Variants in CASK observed in about 807,000 individuals in gnomAD.
CASK encodes calcium/calmodulin dependent serine protein kinase, also known as peripheral plasma membrane protein CASK.
In CASK, 4 loss-of-function variants were observed where a neutral mutation model predicts 82.9. The observed-to-expected ratio is 0.05, with a 90% CI of 0.02 to 0.11. The LOEUF is 0.11. Among genes scored for constraint, CASK ranks in the 10% least tolerant of loss-of-function variants. The pLI, the probability that CASK is intolerant of heterozygous loss-of-function variation, is 1.00. For missense variants in CASK, 358 were observed against 720.9 expected, an observed-to-expected ratio of 0.50 and a Z score of 5.76; for synonymous variants, 259 against 253.5, an observed-to-expected ratio of 1.02 and a Z score of -0.20.
chrX:41,577,625 G>C (rs1187918942), intron 15 of CASK, among the ~76,000 whole-genome samples: 2 of 111,478 alleles, frequency 1.8e-5, no homozygotes, highest in Admixed American at 1.9e-4. Flanking sequence ...ACTATGATAA[G>C]AGCCTTTTTA....
chrX:41,767,087 TGTTTA>T (rs900871000), intron 3 of CASK, among the ~76,000 whole-genome samples: 12 of 112,229 alleles, frequency 1.1e-4, no homozygotes, highest in African/African-American at 3.9e-4. Flanking sequence ...CTTTTTTGTT[TGTTTA>T]GAGTAAAGAA....
At chrX:41,848,734 G>T (rs1486123679) in intron 2 of CASK, among the ~76,000 whole-genome samples, 6 of 112,064 alleles carry the variant, frequency 5.4e-5, no homozygotes, top group Non-Finnish European at 1.1e-4. Flanking sequence ...CCTTAGAGGA[G>T]CTCCATCCCC....
intron 3 of CASK, among the ~76,000 whole-genome samples, chrX:41,768,815 A>C (rs2069161167): frequency 9.0e-6 from 1 of 111,652 alleles, no homozygotes; most frequent in Non-Finnish European, 1.9e-5. Flanking sequence ...TAAAAACAAA[A>C]AACAAAAACA....
chrX:41,858,439 T>C (rs995398880), intron 1 of CASK, among the ~76,000 whole-genome samples: 2 of 112,254 alleles, frequency 1.8e-5, no homozygotes, highest in Non-Finnish European at 3.8e-5. Flanking sequence ...CTTTGACCTA[T>C]TCCTGAGAAT....
chrX:41,709,641 T>C (rs778935790), intron 5 of CASK, among the ~76,000 whole-genome samples: 12 of 111,387 alleles, frequency 1.1e-4, no homozygotes, highest in Non-Finnish European at 1.9e-4. Flanking sequence ...AGAATCTATC[T>C]CAGAGATATT....
Position 41,802,835 on chromosome X carries a change from G to C in CASK, c.173-15552C>G, listed in dbSNP as rs750615011. ...CTGGTTAAGTGTGATATGAACCTAA[G>C]TAGTCTCGTTGCATCATATAAACTT... On this transcript the variant is annotated intron_variant, in intron 2 of 26. Coordinates refer to ENST00000378163, the MANE Select transcript of CASK (RefSeq NM_001367721.1). 4.5e-5 allele frequency among the ~76,000 whole-genome samples: 5 copies of C among 111,265 alleles called. No homozygotes were observed. In the East Asian group the frequency reaches 1.4e-3, roughly 31 times the overall value.
intron 2 of CASK, among the ~76,000 whole-genome samples, chrX:41,787,893 C>T (rs1392939954): frequency 9.0e-6 from 1 of 110,861 alleles, no homozygotes; most frequent in African/African-American, 3.3e-5. Context: ...TGGTGGCTCG[C>T]ACCTGTAATC....
At position 41,862,265 on chromosome X, in the gene CASK, G is replaced by C. The variant is rs964907886; in HGVS notation, c.60-9038C>G. Among the ~76,000 whole-genome samples, 9 of 110,609 alleles carry C rather than the reference G, an allele frequency of 8.1e-5. No individual in the cohort carries two copies. In the Admixed American group the frequency reaches 8.7e-4, roughly 11 times the overall value. ...GCATGGTGTTTTGGGCCCTGGCAGG[G>C]TGCAGTGGCTCATGCCTGTAACTCC... On this transcript the variant is annotated intron_variant, in intron 1 of 26. Transcript: ENST00000378163.
intron 1 of CASK, among the ~76,000 whole-genome samples, chrX:41,873,682 T>C (rs1026475781): frequency 2.7e-5 from 3 of 111,804 alleles, no homozygotes; most frequent in Admixed American, 1.9e-4. Flanking sequence ...ATCATTTCAT[T>C]TGTAAGAAAA....
chrX:41,571,881 A>G (rs910013784), intron 15 of CASK, among the ~76,000 whole-genome samples: 1 of 111,016 alleles, frequency 9.0e-6, no homozygotes, highest in Non-Finnish European at 1.9e-5. Context: ...ATACTTCTTA[A>G]TTTCCCTTTT....
intron 3 of CASK, among the ~76,000 whole-genome samples, chrX:41,747,361 C>A (rs188187210): frequency 3.1e-4 from 35 of 111,717 alleles, no homozygotes; most frequent in Admixed American, 2.9e-3. Flanking sequence ...TGAACGTGAT[C>A]ATGCATCTTG....
intron 1 of CASK, among the ~76,000 whole-genome samples, chrX:41,889,320 T>A (rs377574699): frequency 1.8e-5 from 2 of 109,308 alleles, no homozygotes; most frequent in Non-Finnish European, 3.8e-5. Context: ...TTTTTTTTTT[T>A]ATTTTTTGAT....
At chrX:41,526,579 A>C (rs190519120) in intron 25 of CASK, among the ~76,000 whole-genome samples, 7 of 112,143 alleles carry the variant, frequency 6.2e-5, no homozygotes, top group Middle Eastern at 9.3e-3. Flanking sequence ...GTCTATATCC[A>C]TAGACTGCAC....
intron 8 of CASK, among the ~76,000 whole-genome samples, chrX:41,656,235 C>T (rs745638610): frequency 1.8e-5 from 2 of 111,849 alleles, no homozygotes; most frequent in Admixed American, 1.9e-4. Flanking sequence ...GTTCTGTCTG[C>T]CAGCAAAAGA....
At chrX:41,894,634 G>C (rs1275811825) in intron 1 of CASK, among the ~76,000 whole-genome samples, 2 of 105,061 alleles carry the variant, frequency 1.9e-5, no homozygotes, top group African/African-American at 6.9e-5. Flanking sequence ...ATTAGTGAAG[G>C]TTGGGGTGGG....
rs893059563 is a variant in CASK at position 41,750,555 on chromosome X, T to C, written c.279-4954A>G. Among the ~76,000 whole-genome samples the C allele has an allele frequency of 1.4e-4, 16 of 112,076 alleles. 1 individual carries two copies. Among genetic ancestry groups the C allele is most frequent in the Middle Eastern group, 9.3e-3 (2 of 216 alleles). On this transcript the variant is annotated intron_variant, in intron 3 of 26. Coordinates refer to ENST00000378163, the MANE Select transcript of CASK (RefSeq NM_001367721.1). Reference sequence around the variant, plus strand: ...AGAGTATGGGGGAGGTGGACTTCTATACTGTATGCAGAGAGAAATTAAGGG... The same window carrying C: ...AGAGTATGGGGGAGGTGGACTTCTACACTGTATGCAGAGAGAAATTAAGGG...
chrX:41,699,899 A>G (rs1310287004), intron 5 of CASK, among the ~76,000 whole-genome samples: 1 of 111,485 alleles, frequency 9.0e-6, no homozygotes, highest in Non-Finnish European at 1.9e-5. Flanking sequence ...ATAATCTTTC[A>G]TTTCTTACTA....
chrX:41,911,863 G>A (rs1407358699), intron 1 of CASK, among the ~76,000 whole-genome samples: 1 of 111,171 alleles, frequency 9.0e-6, no homozygotes, highest in African/African-American at 3.3e-5. Context: ...ATGTACATAA[G>A]AGGCAATGAC....
chrX:41,767,376 T>TA (rs1569440315), intron 3 of CASK, among the ~76,000 whole-genome samples: 1 of 111,863 alleles, frequency 8.9e-6, no homozygotes, highest in Non-Finnish European at 1.9e-5. Context: ...CCCCTGCATA[T>TA]ATACTGAGGA....
Sources: gnomAD v4.1 joint callset for allele counts (sites outside exome capture counted in the v4.1 genomes callset) on GRCh38, gnomAD v4.1.1 for gene constraint, MANE v1.5 for transcripts, NCBI Gene and HGNC (gene_info 2026-07-23, HGNC 2026-07-21) for gene names.